Variants in WNK2 observed in about 807,000 individuals in gnomAD.
WNK2 encodes serine/threonine-protein kinase WNK2.
Under a neutral mutation model 192.1 loss-of-function variants are expected in WNK2, and 67 were observed. The observed-to-expected ratio is 0.35, with a 90% confidence interval of 0.29 to 0.43. The LOEUF (loss-of-function observed/expected upper bound fraction) is 0.43. WNK2 is among the 20% of genes least tolerant of loss of function. The pLI is 1.00. For missense variants in WNK2, 2,698 were observed against 3,089.7 expected (o/e 0.87, Z 3.01); for synonymous variants, 1,439 against 1,393.9 (o/e 1.03, Z -0.72).
Position 93,309,166 on chromosome 9 carries a change from A to G in WNK2, c.6516+582A>G, listed in dbSNP as rs951155058. 1.3e-5 allele frequency: 13 copies of G among 977,046 alleles called. No individual in the cohort carries two copies. The African/African-American group carries it at 1.9e-4, about 14-fold the overall frequency. The allele number at this position is 977,046 out of a possible 1,614,324, so 60.5% of individuals were successfully genotyped here. ...GGAAGACTGGTGTTATTTCTATCTC[A>G]AATATTTAGTAAAGGTCATTTGTGA... On this transcript the variant is annotated intron_variant, in intron 28 of 29. Coordinates refer to ENST00000427277, the MANE Select transcript of WNK2 (RefSeq NM_006648.4).
chr9:93,268,783 T>C (rs1845576135), intron 19 of WNK2, 37 bp downstream of exon 19: 3 of 1,597,690 alleles, frequency 1.9e-6, no homozygotes, highest in Middle Eastern at 1.7e-4. Context: ...CCCCTCCCTG[T>C]TTCATGTACA....
At chr9:93,296,674 C>A in intron 23 of WNK2, among the ~76,000 whole-genome samples, 1 of 102,814 alleles carries the variant, frequency 9.7e-6, no homozygotes, top group Admixed American at 9.1e-5. Flanking sequence ...CCATCCTCCC[C>A]TCATCCTCCT....
Position 93,225,528 on chromosome 9 carries a change from C to T in WNK2, c.682-4168C>T, listed in dbSNP as rs141432153. ...ACCATTGTTAACCATTTCTGACTTT[C>T]GTGTCTTACATGTATCAACTTCAGT... On this transcript the variant is annotated intron_variant, in intron 2 of 29. Coordinates refer to ENST00000427277, the MANE Select transcript of WNK2 (RefSeq NM_006648.4). 5.5e-3 allele frequency among the ~76,000 whole-genome samples: 839 copies of T among 152,316 alleles called. 4 individuals are homozygous for T. The highest frequency in any genetic ancestry group is 8.8e-3 in the Non-Finnish European group (598 of 68,022).
chr9:93,317,786 G>A, intron 29 of WNK2, 155 bp downstream of exon 29: 1 of 1,476,608 alleles, frequency 6.8e-7, no homozygotes, highest in Non-Finnish European at 9.1e-7. Flanking sequence ...AGGTGCCCGT[G>A]CTGCCAGTCT....
chr9:93,219,770 G>A (rs1836485723), intron 2 of WNK2, among the ~76,000 whole-genome samples: 1 of 152,250 alleles, frequency 6.6e-6, no homozygotes, highest in African/African-American at 2.4e-5. Context: ...ACACCCGTAT[G>A]CCATGTGCCC....
chr9:93,318,936 T>A (rs1855180676), intron 29 of WNK2: 1 of 1,421,878 alleles, frequency 7.0e-7, no homozygotes, highest in Admixed American at 2.9e-5. Flanking sequence ...ACTGGGTAAA[T>A]TATTTTGGTT....
rs552569771 is a variant in WNK2, at chr9:93,308,978, G to A, written c.6516+394G>A. ...GCTGGAGACCAGGGCAGGTGTGCAT[G>A]TCACCCAAGTGACACCAGCGTCTGG... is the stretch of plus-strand genomic sequence containing the variant. On this transcript the variant is annotated intron_variant, in intron 28 of 29. Coordinates refer to ENST00000427277, the MANE Select transcript of WNK2 (RefSeq NM_006648.4). The A allele has an allele frequency of 2.9e-6, 3 of 1,039,882 alleles. No individual in the cohort carries two copies. The South Asian group carries it at 1.2e-4, about 42-fold the overall frequency. 64.4% of individuals were successfully genotyped at this position (1,039,882 alleles called of 1,614,324 possible). A position where few individuals can be genotyped will look rare whatever the true frequency, so the allele number is the denominator to read the frequency against.
chr9:93,286,857 G>A (rs1030048059), intron 19 of WNK2, among the ~76,000 whole-genome samples: 1 of 152,194 alleles, frequency 6.6e-6, no homozygotes, highest in East Asian at 1.9e-4. Flanking sequence ...CATTTGCGAC[G>A]ACATGGATGA....
intron 19 of WNK2, among the ~76,000 whole-genome samples, chr9:93,280,488 C>G (rs1374440757): frequency 2.0e-5 from 3 of 152,172 alleles, no homozygotes; most frequent in Non-Finnish European, 4.4e-5. Context: ...ATGTGATCCA[C>G]CCATTTTACT....
In WNK2 at chr9:93,299,186, T is replaced by G. The variant is rs1320634946; in HGVS notation, c.6040T>G (p.Cys2014Gly). Residue 2014 changes from cysteine (C) to glycine (G), a missense_variant, in exon 25 of 30, where the codon TGC becomes GGC. Around this residue, in one of 7 missense-constraint regions of WNK2, gnomAD observed 1,098 missense variants for 1,101.0 expected, o/e 1.00. Coordinates refer to ENST00000427277, the MANE Select transcript of WNK2 (RefSeq NM_006648.4). Reference sequence around the variant, plus strand: ...GAAGGCAGTGCAGACCCAGCAGCCCTGCTCCGTCCGGGCCTCCCTGTCTTC... The same window carrying G: ...GAAGGCAGTGCAGACCCAGCAGCCCGGCTCCGTCCGGGCCTCCCTGTCTTC... ...SGKAVQTQQPCSVRASLSSDI... is the reference protein window; with the variant it reads ...SGKAVQTQQPGSVRASLSSDI... 1.2e-6 allele frequency: 2 copies of G among 1,607,482 alleles called. No individual in the cohort carries two copies. The highest frequency in any genetic ancestry group is 1.3e-5 in the African/African-American group (1 of 74,824).
chr9:93,308,014 G>T lies in WNK2; in HGVS notation c.6260-314G>T, dbSNP rs1017590542. 3.5e-5 allele frequency: 14 copies of T among 396,088 alleles called. No individual in the cohort carries two copies. The Admixed American group carries it at 5.8e-4, about 17-fold the overall frequency. 24.5% of individuals were successfully genotyped at this position (396,088 alleles called of 1,614,324 possible). On this transcript the variant is annotated intron_variant, in intron 27 of 29. Transcript: ENST00000427277. ...AGGAGTTTCCTGAGCTCTCTCACAC[G>T]TGAGTCTGGGGATGGGCAGCGGTGG... is the stretch of plus-strand genomic sequence containing the variant.
In WNK2 at chr9:93,306,806, A is replaced by G; in HGVS notation, c.6244A>G (p.Lys2082Glu). ...WSALKRLCLG[K>E]EHSSRSSTSS... ...TGCCCTGAAGCGTCTCTGCCTAGGC[A>G]AAGAACACAGCAGTAGTAATTATCC... Residue 2082 changes from lysine to glutamate, a missense_variant, in exon 27 of 30, where the codon AAA (lysine) becomes GAA (glutamate). By Grantham distance (56) the Lys-to-Glu change is moderately conservative. This residue lies in a region of WNK2 where 29 missense variants were observed against 55.6 expected (regional missense o/e 0.52). Transcript: ENST00000427277. 6.2e-7 allele frequency: 1 copy of G among 1,614,050 alleles called. No homozygotes were observed. The highest frequency in any genetic ancestry group is 8.5e-7 in the Non-Finnish European group (1 of 1,179,896).
rs767273259 is a variant in WNK2, at chr9:93,317,559, C to T, written c.6556C>T (p.Pro2186Ser). The T allele has an allele frequency of 2.5e-6, 4 of 1,613,534 alleles. No homozygotes were observed. In the Admixed American group the frequency reaches 5.0e-5, roughly 20 times the overall value. ...AGCAGGAGTGGGGATGCCACGTCTG[C>T]CCCCAGCGCCCGGCCCTCTGTCCAC... ...PRAGVGMPRL[P>S]PAPGPLSTTV... The change falls in exon 29 of 30, where the codon CCC becomes TCC. Residue 2186 changes from proline to serine, a missense_variant. Physicochemically the swap from Pro to Ser is moderately conservative, Grantham distance 74. Around this residue, in one of 7 missense-constraint regions of WNK2, gnomAD observed 167 missense variants for 184.2 expected, o/e 0.91. Transcript: ENST00000427277.
At chr9:93,231,718 G>A (rs1442846109) in intron 4 of WNK2, among the ~76,000 whole-genome samples, 1 of 152,224 alleles carries the variant, frequency 6.6e-6, no homozygotes, top group African/African-American at 2.4e-5. Context: ...AGCTTCTTGG[G>A]CATTTCAGGC....
At chr9:93,253,147 G>T (rs55675133) in intron 9 of WNK2, 65 bp downstream of exon 9, 5 of 1,305,426 alleles carry the variant, frequency 3.8e-6, no homozygotes, top group Non-Finnish European at 4.9e-6. Context: ...GGCCCTGAGG[G>T]CTCTAAATTC....
intron 26 of WNK2, among the ~76,000 whole-genome samples, chr9:93,306,001 C>G (rs748649185): frequency 0.026 from 3,961 of 152,166 alleles, 84 homozygotes; most frequent in South Asian, 0.076. Flanking sequence ...CTTGTCCCCA[C>G]CAGGCTGGGC....
intron 2 of WNK2, among the ~76,000 whole-genome samples, chr9:93,225,138 C>T (rs953993219): frequency 6.6e-6 from 1 of 152,150 alleles, no homozygotes; most frequent in Non-Finnish European, 1.5e-5. Context: ...GTGGCTCACA[C>T]CTGTAATGCC....
intron 25 of WNK2, among the ~76,000 whole-genome samples, chr9:93,299,481 G>A (rs1226702918): frequency 6.6e-6 from 1 of 152,200 alleles, no homozygotes; most frequent in Non-Finnish European, 1.5e-5. Context: ...AGCAGCTCAG[G>A]GGGAGGTGAT....
chr9:93,216,698 G>T (rs930276623), intron 2 of WNK2, among the ~76,000 whole-genome samples: 4 of 150,124 alleles, frequency 2.7e-5, no homozygotes, highest in Non-Finnish European at 5.9e-5. Flanking sequence ...GGAGGCTGAG[G>T]CAGGAAAATC....
Sources: allele counts gnomAD v4.1 joint callset (sites outside exome capture counted in the v4.1 genomes callset), GRCh38; gene constraint gnomAD v4.1.1; regional missense constraint gnomAD v4.1.1; transcripts MANE v1.5; gene names NCBI Gene and HGNC (gene_info 2026-07-23, HGNC 2026-07-21).